The following METAP2 variants were observed in gnomAD, a reference collection of about 807,000 sequenced individuals.
METAP2 encodes the protein methionine aminopeptidase 2.
Under a neutral mutation model 59.4 loss-of-function variants are expected in METAP2, and 25 were observed. The ratio of observed to expected loss-of-function variants is 0.42; its 90% CI spans 0.31 to 0.59. The LOEUF (loss-of-function observed/expected upper bound fraction) is 0.59, where lower values mean the gene tolerates loss of function less well. Ranked by LOEUF, METAP2 falls within the 20% of genes least tolerant of loss-of-function variation. The pLI is 0.16. For missense variants in METAP2, 366 were observed against 581.2 expected, an observed-to-expected ratio of 0.63 and a Z score of 3.81; for synonymous variants, 214 against 194.1, an observed-to-expected ratio of 1.10 and a Z score of -0.85.
intron 6 of METAP2, 72 bp downstream of exon 6, chr12:95,495,210 T>TTCA: frequency 7.8e-7 from 1 of 1,277,572 alleles, no homozygotes; most frequent in Non-Finnish European, 1.1e-6. Context: ...TTAAATGGAG[T>TTCA]GATAAATACT....
At chr12:95,483,817 C>T (rs955966904) in intron 3 of METAP2, among the ~76,000 whole-genome samples, 2 of 152,072 alleles carry the variant, frequency 1.3e-5, no homozygotes, top group South Asian at 2.1e-4. Flanking sequence ...GTAGGGTAAG[C>T]GTTGTTTGTA....
intron 4 of METAP2, among the ~76,000 whole-genome samples, chr12:95,487,080 T>C (rs1244027794): frequency 6.6e-6 from 1 of 152,196 alleles, no homozygotes; most frequent in African/African-American, 2.4e-5. Flanking sequence ...TGCAGGGTCA[T>C]TGTGAGGAAT....
rs779365414 is a variant in METAP2, at chr12:95,485,988, A to T, written c.428+7A>T. On this transcript the variant is annotated splice_region_variant and intron_variant, in intron 4 of 10. Transcript: ENST00000323666. ...ACCCACCCACACAAGATGGGTAAGG[A>T]TCATCAAATCACTTCCAGTTTAATT... 1.3e-6 allele frequency: 2 copies of T among 1,512,650 alleles called. No homozygotes were observed. The highest frequency in any genetic ancestry group is 3.8e-5 in the Admixed American group (2 of 53,242). The allele number at this position is 1,512,650 out of a possible 1,614,324, so 93.7% of individuals were successfully genotyped here. A position where few individuals can be genotyped will look rare whatever the true frequency, so the allele number is the denominator to read the frequency against.
chr12:95,489,947 T>C (rs2140147151), intron 4 of METAP2, among the ~76,000 whole-genome samples: 1 of 152,332 alleles, frequency 6.6e-6, no homozygotes, highest in South Asian at 2.1e-4. Flanking sequence ...ATTTCCTTTG[T>C]TTTGCCACAT....
intron 2 of METAP2, among the ~76,000 whole-genome samples, chr12:95,482,867 C>A (rs373204534): frequency 6.6e-6 from 1 of 152,178 alleles, no homozygotes; most frequent in South Asian, 2.1e-4. Flanking sequence ...GTTCAACCCA[C>A]GTAAGTCCTA....
intron 10 of METAP2, among the ~76,000 whole-genome samples, chr12:95,513,406 G>A (rs899829357): frequency 2.0e-5 from 3 of 152,038 alleles, no homozygotes; most frequent in Non-Finnish European, 4.4e-5. Context: ...ACACACACAC[G>A]CACACGCGCG....
chr12:95,482,163 G>A (rs1202838026), intron 2 of METAP2: 1 of 452,500 alleles, frequency 2.2e-6, no homozygotes, highest in Admixed American at 2.4e-5. Context: ...AGGCTGACGT[G>A]CTGTGGCTCG....
Position 95,474,270 on chromosome 12 carries a change from G to A in METAP2, c.91G>A (p.Ala31Thr). The part of the protein sequence containing the change: ...DDREEGAAST[A>T]EEAAKKKRRK... Reference sequence around the variant, plus strand: ...CAGGGAAGAAGGAGCTGCCTCTACGGCTGAGGAAGCAGCCAAGAAAAAAAG... The same window carrying A: ...CAGGGAAGAAGGAGCTGCCTCTACGACTGAGGAAGCAGCCAAGAAAAAAAG... The change falls in exon 1 of 11, where the codon GCT (alanine) becomes ACT (threonine). Residue 31 changes from alanine (A) to threonine (T), a missense_variant. Around this residue, in one of 4 missense-constraint regions of METAP2, gnomAD observed 177 missense variants for 180.3 expected, o/e 0.98. Transcript: ENST00000323666. The A allele has an allele frequency of 6.2e-7, 1 of 1,614,230 alleles. No individual in the cohort carries two copies.
rs1311635246 is a variant in METAP2, at chr12:95,499,154, A to G, written c.867+3056A>G. Among the ~76,000 whole-genome samples, 10 of 151,646 alleles carry G rather than the reference A, an allele frequency of 6.6e-5. No individual in the cohort carries two copies. In the East Asian group the frequency reaches 1.9e-3, roughly 29 times the overall value. ...TTTGGTTTGTTTTGGTTTTGGTTTT[A>G]GTTTTGAGACAGGGTCTTGCTCTGT... is the stretch of plus-strand genomic sequence containing the variant. On this transcript the variant is annotated intron_variant, in intron 7 of 10. Coordinates refer to ENST00000323666, the MANE Select transcript of METAP2 (RefSeq NM_006838.4).
At chr12:95,501,155 G>A (rs562552672) in intron 7 of METAP2, among the ~76,000 whole-genome samples, 46 of 151,912 alleles carry the variant, frequency 3.0e-4, no homozygotes, top group African/African-American at 9.4e-4. Context: ...GACCACAGGC[G>A]TGTACCACTA....
intron 2 of METAP2, among the ~76,000 whole-genome samples, chr12:95,478,019 GC>G (rs991378349): frequency 6.6e-6 from 1 of 152,126 alleles, no homozygotes; most frequent in African/African-American, 2.4e-5. Flanking sequence ...GGCCTGTCAG[GC>G]TAGTTAAAAA....
chr12:95,504,088 G>C lies in METAP2; in HGVS notation c.891G>C (p.Leu297=). The C allele has an allele frequency of 3.1e-6, 5 of 1,613,838 alleles. No individual in the cohort carries two copies. Among genetic ancestry groups the C allele is most frequent in the Non-Finnish European group, 2.5e-6 (3 of 1,179,836 alleles). Residue 297 remains leucine (L), a synonymous_variant, in exon 8 of 11, where the codon CTG becomes CTC. Coordinates refer to ENST00000323666, the MANE Select transcript of METAP2 (RefSeq NM_006838.4). ...AGTGTGCTGGAATTGATGTTCGTCT[G>C]TGTGATGTTGGTGAGGCCATCCAAG... is the stretch of plus-strand genomic sequence containing the variant. ...GIKCAGIDVR[L]CDVGEAIQEV...
chr12:95,502,999 T>C (rs529018975), intron 7 of METAP2, among the ~76,000 whole-genome samples: 10 of 151,974 alleles, frequency 6.6e-5, no homozygotes, highest in African/African-American at 2.4e-4. Flanking sequence ...TTTTTAAGTA[T>C]CTTTAGAAGA....
At chr12:95,481,591 GCTGTTTTTCTGT>G (rs2076158590) in intron 2 of METAP2, among the ~76,000 whole-genome samples, 2 of 152,294 alleles carry the variant, frequency 1.3e-5, no homozygotes, top group East Asian at 3.9e-4. Context: ...ATAAATGGTG[GCTGTTTTTCTGT>G]ACTGAATACA....
chr12:95,500,046 T>G (rs2076303949), intron 7 of METAP2, among the ~76,000 whole-genome samples: 1 of 152,322 alleles, frequency 6.6e-6, no homozygotes, highest in South Asian at 2.1e-4. Flanking sequence ...TCAAACCGTA[T>G]CAGATGTGTT....
chr12:95,513,408 A>G (rs1478818482), intron 10 of METAP2, among the ~76,000 whole-genome samples: 1 of 152,206 alleles, frequency 6.6e-6, no homozygotes, highest in Non-Finnish European at 1.5e-5. Context: ...ACACACACGC[A>G]CACGCGCGCG....
At chr12:95,507,109 G>T (rs1185026715) in intron 8 of METAP2, among the ~76,000 whole-genome samples, 1 of 152,144 alleles carries the variant, frequency 6.6e-6, no homozygotes, top group East Asian at 1.9e-4. Flanking sequence ...TAGGAGGTGT[G>T]GGATAATGAA....
At position 95,515,164 on chromosome 12, in the gene METAP2, T is replaced by C. The variant is rs1179692277; in HGVS notation, c.*1260T>C. The C allele has an allele frequency of 6.6e-6, 1 of 152,670 alleles. No individual in the cohort carries two copies. The highest frequency in any genetic ancestry group is 2.4e-5 in the African/African-American group (1 of 41,466). 9.5% of individuals were successfully genotyped at this position (152,670 alleles called of 1,614,324 possible). ...TGCCTCTGGGATGCTGTTTAGTTTG[T>C]ATTTTGTTGAACGTTTTTATCCTAG... On this transcript the variant is annotated 3_prime_UTR_variant, in exon 11 of 11. Coordinates refer to ENST00000323666, the MANE Select transcript of METAP2 (RefSeq NM_006838.4).
rs1487950271 is a variant in METAP2, at chr12:95,513,050, A to G, written c.1184+134A>G. ...GAGTTCTGTAGCCCAACAATAAGAAAAAAAAATAGCCTGTTAAACATTTTA... is the reference window on the plus strand; with the variant it reads ...GAGTTCTGTAGCCCAACAATAAGAAGAAAAAATAGCCTGTTAAACATTTTA... On this transcript the variant is annotated intron_variant, in intron 10 of 10. Coordinates refer to ENST00000323666, the MANE Select transcript of METAP2 (RefSeq NM_006838.4). 3 of 577,326 alleles carry G rather than the reference A, an allele frequency of 5.2e-6. No individual in the cohort carries two copies. In the East Asian group the frequency reaches 8.7e-5, roughly 17 times the overall value. The allele number at this position is 577,326 out of a possible 1,614,324, so 35.8% of individuals were successfully genotyped here.
Sources: allele counts gnomAD v4.1 joint callset (sites outside exome capture counted in the v4.1 genomes callset), GRCh38; gene constraint gnomAD v4.1.1; regional missense constraint gnomAD v4.1.1; transcripts MANE v1.5; gene names NCBI Gene and HGNC (gene_info 2026-07-23, HGNC 2026-07-21).